Variants in CCDC178 observed in about 807,000 individuals in gnomAD.
The protein encoded by CCDC178 is coiled-coil domain containing 178.
A neutral mutation model predicts 117.4 loss-of-function variants in CCDC178; 126 were observed. The ratio of observed to expected loss-of-function variants is 1.07; its 90% CI spans 0.93 to 1.24. The LOEUF (loss-of-function observed/expected upper bound fraction) is 1.24, where lower values mean the gene tolerates loss of function less well. Ranked by LOEUF, CCDC178 falls within the 50% of genes most tolerant of loss-of-function variation. The pLI is 0.00. For missense variants in CCDC178, 1,030 were observed against 986.9 expected, an observed-to-expected ratio of 1.04 and a Z score of -0.59; for synonymous variants, 283 against 313.4, an observed-to-expected ratio of 0.90 and a Z score of 1.02.
chr18:33,243,024 A>G (rs7230106), intron 15 of CCDC178, among the ~76,000 whole-genome samples: 138,622 of 151,918 alleles, frequency 0.91, 63,357 homozygotes, highest in East Asian at 1. Flanking sequence ...CAGATAAATG[A>G]ATAACAGAAA....
intron 21 of CCDC178, among the ~76,000 whole-genome samples, chr18:33,035,139 C>T (rs2056419184): frequency 6.6e-6 from 1 of 151,812 alleles, no homozygotes; most frequent in African/African-American, 2.4e-5. Context: ...GAGATGGTTT[C>T]TCTTAGGGTA....
At chr18:33,410,517 A>G (rs2063835506) in intron 3 of CCDC178, among the ~76,000 whole-genome samples, 1 of 152,172 alleles carries the variant, frequency 6.6e-6, no homozygotes, top group Non-Finnish European at 1.5e-5. Flanking sequence ...AAATATTTTG[A>G]AAATATGTGG....
At chr18:33,249,445 T>C (rs907694275) in intron 14 of CCDC178, among the ~76,000 whole-genome samples, 2 of 152,106 alleles carry the variant, frequency 1.3e-5, no homozygotes, top group African/African-American at 4.8e-5. Flanking sequence ...AATTTTTGTA[T>C]AAGGTGTAAG....
intron 2 of CCDC178, among the ~76,000 whole-genome samples, chr18:33,418,063 C>A (rs1488739269): frequency 6.6e-6 from 1 of 152,094 alleles, no homozygotes; most frequent in Non-Finnish European, 1.5e-5. Flanking sequence ...TCAGGCCACT[C>A]TCCTTGATGA....
At chr18:33,237,336 C>T (rs2059436595) in intron 15 of CCDC178, among the ~76,000 whole-genome samples, 1 of 152,144 alleles carries the variant, frequency 6.6e-6, no homozygotes, top group South Asian at 2.1e-4. Context: ...GGCAAACCCA[C>T]CCTTGAACCA....
At chr18:33,049,381 C>A (rs1001773274) in intron 21 of CCDC178, among the ~76,000 whole-genome samples, 6 of 152,104 alleles carry the variant, frequency 3.9e-5, no homozygotes, top group African/African-American at 1.4e-4. Context: ...TGGACAAATA[C>A]ATCTGCATTT....
chr18:33,068,949 C>T (rs566484234), intron 21 of CCDC178, among the ~76,000 whole-genome samples: 47 of 152,134 alleles, frequency 3.1e-4, no homozygotes, highest in Middle Eastern at 3.4e-3. Context: ...ACTCTAAGAA[C>T]TAATAAATGA....
chr18:33,049,279 GA>G (rs2144920226), intron 21 of CCDC178, among the ~76,000 whole-genome samples: 1 of 152,044 alleles, frequency 6.6e-6, no homozygotes, highest in South Asian at 2.1e-4. Flanking sequence ...AACTTATAAA[GA>G]TGTTAATAAA....
At chr18:33,091,314 T>G (rs2057458445) in intron 21 of CCDC178, among the ~76,000 whole-genome samples, 1 of 141,026 alleles carries the variant, frequency 7.1e-6, no homozygotes, top group African/African-American at 2.5e-5. Context: ...CCAAACACAC[T>G]TATTTCATTC....
intron 21 of CCDC178, among the ~76,000 whole-genome samples, chr18:33,078,736 A>G (rs528905200): frequency 6.6e-6 from 1 of 152,208 alleles, no homozygotes; most frequent in African/African-American, 2.4e-5. Context: ...GAGGTGAAAT[A>G]TCTCTACAAT....
chr18:33,319,491 G>A (rs572515902), intron 11 of CCDC178, among the ~76,000 whole-genome samples: 44 of 152,050 alleles, frequency 2.9e-4, no homozygotes, highest in African/African-American at 6.7e-4. Context: ...GAATCATGCC[G>A]CAATAAACAT....
At chr18:33,315,330 C>T (rs995679312) in intron 11 of CCDC178, among the ~76,000 whole-genome samples, 4 of 152,116 alleles carry the variant, frequency 2.6e-5, no homozygotes, top group Admixed American at 1.3e-4. Context: ...TTAAAAACAA[C>T]GAAAAGACAT....
chr18:33,179,347 C>T (rs1312852500), intron 20 of CCDC178, among the ~76,000 whole-genome samples: 1 of 151,046 alleles, frequency 6.6e-6, no homozygotes, highest in Non-Finnish European at 1.5e-5. Context: ...TTATTGACAA[C>T]TTTTCTCTTT....
intron 20 of CCDC178, among the ~76,000 whole-genome samples, chr18:33,139,002 T>C (rs1195175683): frequency 3.9e-5 from 6 of 152,236 alleles, no homozygotes; most frequent in African/African-American, 1.4e-4. Flanking sequence ...AATTCCCACG[T>C]GTCATAACAG....
chr18:33,237,408 C>A (rs1213556686), intron 15 of CCDC178, among the ~76,000 whole-genome samples: 2 of 152,184 alleles, frequency 1.3e-5, no homozygotes, highest in Non-Finnish European at 1.5e-5. Flanking sequence ...AACAGCTGGT[C>A]TGCCCCTAGG....
At chr18:33,173,476 A>G (rs1009043226) in intron 20 of CCDC178, among the ~76,000 whole-genome samples, 6 of 152,198 alleles carry the variant, frequency 3.9e-5, no homozygotes, top group Admixed American at 3.9e-4. Flanking sequence ...ACGGCTTTAA[A>G]GAGTCACTGG....
Position 33,367,964 on chromosome 18 carries a change from A to G in CCDC178, c.348+2086T>C, listed in dbSNP as rs112709555. Among the ~76,000 whole-genome samples the G allele has an allele frequency of 3.5e-4, 53 of 152,046 alleles. 1 individual carries two copies. Among genetic ancestry groups the G allele is most frequent in the African/African-American group, 1.3e-3 (52 of 41,528 alleles). ...ATCATTATTGAAATTTTTGTCTAGAAGTGTACTTTTCTATCATTGTTATTG... is the reference window on the plus strand; with the variant it reads ...ATCATTATTGAAATTTTTGTCTAGAGGTGTACTTTTCTATCATTGTTATTG... On this transcript the variant is annotated intron_variant, in intron 6 of 22. Transcript: ENST00000383096.
At chr18:33,126,206 G>A (rs1356946387) in intron 20 of CCDC178, among the ~76,000 whole-genome samples, 1 of 151,692 alleles carries the variant, frequency 6.6e-6, no homozygotes, top group Non-Finnish European at 1.5e-5. Context: ...AAATAGTGAT[G>A]ACAGGAAATC....
chr18:33,313,939 G>A (rs998403225), intron 11 of CCDC178, among the ~76,000 whole-genome samples: 11 of 152,024 alleles, frequency 7.2e-5, no homozygotes, highest in African/African-American at 9.7e-5. Flanking sequence ...GGTGGCTCAC[G>A]CCTGTAATCC....
Sources: allele counts gnomAD v4.1 joint callset (sites outside exome capture counted in the v4.1 genomes callset), GRCh38; gene constraint gnomAD v4.1.1; transcripts MANE v1.5; gene names NCBI Gene and HGNC (gene_info 2026-07-23, HGNC 2026-07-21).